The following DPYS variants were observed in gnomAD, a reference collection of about 807,000 sequenced individuals.
DPYS encodes the protein dihydropyrimidine amidohydrolase.
DPYS carries 39 observed loss-of-function variants against 50.3 expected under a neutral mutation model. That is an observed-to-expected ratio of 0.78 (90% CI 0.60 to 1.01). The LOEUF is 1.01. DPYS is among the 50% of genes least tolerant of loss of function. DPYS has a pLI of 0.00. For synonymous variants in DPYS, 245 were observed against 250.7 expected, an observed-to-expected ratio of 0.98 and a Z score of 0.22; for missense variants, 659 against 680.9, an observed-to-expected ratio of 0.97 and a Z score of 0.36.
chr8:104,446,391 T>A (rs2140714638), intron 3 of DPYS, among the ~76,000 whole-genome samples: 1 of 152,356 alleles, frequency 6.6e-6, no homozygotes, highest in East Asian at 1.9e-4. Flanking sequence ...CTTGTTGAAG[T>A]GACTCACTGT....
At chr8:104,408,818 G>GT (rs548411409) in intron 7 of DPYS, among the ~76,000 whole-genome samples, 32,332 of 143,348 alleles carry the variant, frequency 0.23, 4,451 homozygotes, top group Non-Finnish European at 0.32. Context: ...TTTTTTGTTT[G>GT]TTTTTTTTTT....
At chr8:104,395,644 G>A (rs1021529439) in intron 7 of DPYS, among the ~76,000 whole-genome samples, 2 of 151,958 alleles carry the variant, frequency 1.3e-5, no homozygotes, top group Non-Finnish European at 2.9e-5. Context: ...CTTTTTTGTT[G>A]CTGCATAGTA....
At chr8:104,411,720 C>G (rs1281449387) in intron 7 of DPYS, 1 of 152,160 alleles carries the variant, frequency 6.6e-6, no homozygotes, top group African/African-American at 2.4e-5. Flanking sequence ...CTCAGCAATA[C>G]CCCTCATGGG....
chr8:104,393,103 C>G, intron 7 of DPYS, 112 bp from the exon 8 acceptor site: 1 of 897,514 alleles, frequency 1.1e-6, no homozygotes, highest in Non-Finnish European at 1.8e-6. Flanking sequence ...TCTATTAAGT[C>G]ATAGCTTCAT....
At chr8:104,425,186 G>A (rs1179782432) in intron 6 of DPYS, among the ~76,000 whole-genome samples, 1 of 151,810 alleles carries the variant, frequency 6.6e-6, no homozygotes, top group African/African-American at 2.4e-5. Context: ...GAATATTATA[G>A]AGGATAGGTG....
chr8:104,389,245 T>C (rs537996285), intron 8 of DPYS, among the ~76,000 whole-genome samples: 1 of 152,300 alleles, frequency 6.6e-6, no homozygotes, highest in South Asian at 2.1e-4. Context: ...GCCCTCAAAC[T>C]CTTATCCCCA....
At chr8:104,394,313 C>A (rs1377250435) in intron 7 of DPYS, among the ~76,000 whole-genome samples, 1 of 152,196 alleles carries the variant, frequency 6.6e-6, no homozygotes, top group African/African-American at 2.4e-5. Context: ...CTTGGTCTAA[C>A]TGCTTACTTG....
chr8:104,418,780 T>C (rs150693788), intron 7 of DPYS: 1 of 152,942 alleles, frequency 6.5e-6, no homozygotes, highest in East Asian at 1.9e-4. Flanking sequence ...TCTTTGAATT[T>C]CTAAGGCATC....
chr8:104,464,079 G>T (rs1006657930), intron 1 of DPYS, among the ~76,000 whole-genome samples: 1 of 152,062 alleles, frequency 6.6e-6, no homozygotes, highest in Non-Finnish European at 1.5e-5. Flanking sequence ...CTAAACCTTT[G>T]ACCTTAATAT....
chr8:104,452,973 C>A (rs769094970), intron 1 of DPYS, among the ~76,000 whole-genome samples: 1 of 152,154 alleles, frequency 6.6e-6, no homozygotes, highest in Non-Finnish European at 1.5e-5. Context: ...TACCTCATCA[C>A]CAGAAATGTG....
At chr8:104,405,118 G>A (rs996659437) in intron 7 of DPYS, among the ~76,000 whole-genome samples, 2 of 152,254 alleles carry the variant, frequency 1.3e-5, no homozygotes, top group African/African-American at 4.8e-5. Flanking sequence ...TGCAGTGGCA[G>A]AGGGACACGA....
intron 4 of DPYS, among the ~76,000 whole-genome samples, chr8:104,440,504 A>T (rs1055524706): frequency 2.0e-5 from 3 of 152,116 alleles, no homozygotes; most frequent in Non-Finnish European, 4.4e-5. Context: ...ACGTCAGGTG[A>T]TCCACCCGCC....
At position 104,447,385 on chromosome 8, in the gene DPYS, C is replaced by T. The variant is rs140342320; in HGVS notation, c.542G>A (p.Arg181Gln). The T allele has an allele frequency of 1.5e-5, 24 of 1,613,996 alleles. No homozygotes were observed. The highest frequency in any genetic ancestry group is 4.0e-5 in the African/African-American group (3 of 74,986). ...TDLELYEAFS[R>Q]CKEIGAIAQV... ...GGCAATTGCTCCAATTTCCTTGCAC[C>T]GAGAGAAGGCTTCGTACAGCTCCAG... The change falls in exon 3 of 10, where the codon CGG (arginine) becomes CAG (glutamine). Residue 181 changes from arginine to glutamine, a missense_variant. Coordinates refer to ENST00000351513, the MANE Select transcript of DPYS (RefSeq NM_001385.3).
Position 104,466,816 on chromosome 8 carries a change from G to A in DPYS, c.105C>T (p.Leu35=), listed in dbSNP as rs376340504. 1.1e-5 allele frequency: 17 copies of A among 1,533,804 alleles called. No individual in the cohort carries two copies. The highest frequency in any genetic ancestry group is 1.5e-5 in the Non-Finnish European group (17 of 1,145,590). Residue 35 remains leucine (L), a synonymous_variant, in exon 1 of 10, where the codon CTC becomes CTT. Coordinates refer to ENST00000351513, the MANE Select transcript of DPYS (RefSeq NM_001385.3). ...VLVEDGVVRA[L]GHDLLPPGGA... ...CCCCGGGAGGCAGCAGGTCGTGCCC[G>A]AGTGCCCGCACCACGCCGTCCTCCA... is the stretch of plus-strand genomic sequence containing the variant.
At chr8:104,406,422 G>C (rs912219771) in intron 7 of DPYS, among the ~76,000 whole-genome samples, 1 of 152,194 alleles carries the variant, frequency 6.6e-6, no homozygotes, top group Admixed American at 6.5e-5. Flanking sequence ...ATCTCGTAGT[G>C]TGAGAATGTG....
At chr8:104,459,673 C>A (rs117375681) in intron 1 of DPYS, among the ~76,000 whole-genome samples, 1 of 152,052 alleles carries the variant, frequency 6.6e-6, no homozygotes, top group African/African-American at 2.4e-5. Flanking sequence ...TTCCTTAAGT[C>A]CCAAATCTGC....
chr8:104,451,946 A>C (rs1813756923), intron 1 of DPYS, among the ~76,000 whole-genome samples: 1 of 152,172 alleles, frequency 6.6e-6, no homozygotes. Flanking sequence ...GTCTTAGTTC[A>C]GATCCATCTC....
chr8:104,415,534 T>A (rs1397773038), intron 7 of DPYS, among the ~76,000 whole-genome samples: 1 of 152,156 alleles, frequency 6.6e-6, no homozygotes, highest in Non-Finnish European at 1.5e-5. Flanking sequence ...TAAAATTGTA[T>A]GCATATGTAA....
intron 2 of DPYS, among the ~76,000 whole-genome samples, chr8:104,449,691 G>A (rs1201892882): frequency 6.6e-6 from 1 of 152,198 alleles, no homozygotes; most frequent in Non-Finnish European, 1.5e-5. Flanking sequence ...ACCTCCACGG[G>A]GAGAACATCA....
Sources: allele counts gnomAD v4.1 joint callset (sites outside exome capture counted in the v4.1 genomes callset), GRCh38; gene constraint gnomAD v4.1.1; transcripts MANE v1.5; gene names NCBI Gene and HGNC (gene_info 2026-07-23, HGNC 2026-07-21).